The following OR9Q1 variants were observed in gnomAD, a reference collection of about 807,000 sequenced individuals.
OR9Q1 encodes olfactory receptor 9Q1.
For synonymous variants in OR9Q1, 153 were observed against 148.6 expected, an observed-to-expected ratio of 1.03 and a Z score of -0.22; for missense variants, 374 against 378.8, an observed-to-expected ratio of 0.99 and a Z score of 0.11.
At chr11:58,053,627 A>ATATATATATATAAATTATATATATATT (rs1491279836) in intron 1 of OR9Q1, among the ~76,000 whole-genome samples, 4 of 103,334 alleles carry the variant, frequency 3.9e-5, no homozygotes, top group Non-Finnish European at 7.2e-5. Flanking sequence ...ATATATATAT[A>ATATATATATATAAATTATATATATATT]AAATATATAT....
chr11:58,038,672 A>G (rs1853130986), intron 1 of OR9Q1, among the ~76,000 whole-genome samples: 1 of 152,202 alleles, frequency 6.6e-6, no homozygotes, highest in African/African-American at 2.4e-5. Context: ...ACACTTTGAA[A>G]TCAGAACCCT....
intron 2 of OR9Q1, among the ~76,000 whole-genome samples, chr11:58,164,700 C>T (rs1854485612): frequency 6.6e-6 from 1 of 152,190 alleles, no homozygotes; most frequent in African/African-American, 2.4e-5. Flanking sequence ...TAGTCCAACA[C>T]TAGAATTTTG....
chr11:58,122,780 G>A (rs1426155665), intron 2 of OR9Q1, among the ~76,000 whole-genome samples: 1 of 151,900 alleles, frequency 6.6e-6, no homozygotes, highest in East Asian at 1.9e-4. Flanking sequence ...GCACTCCAGT[G>A]TATTCAAAAT....
chr11:58,147,742 G>C (rs1590615554), intron 2 of OR9Q1, among the ~76,000 whole-genome samples: 3 of 152,094 alleles, frequency 2.0e-5, no homozygotes, highest in Admixed American at 6.6e-5. Flanking sequence ...GGTGTATGTT[G>C]TATTGCTATT....
At chr11:58,064,910 A>G (rs569706372) in intron 2 of OR9Q1, among the ~76,000 whole-genome samples, 77 of 152,046 alleles carry the variant, frequency 5.1e-4, no homozygotes, top group Non-Finnish European at 3.1e-4. Flanking sequence ...AGAGATTTAG[A>G]CACATACACA....
intron 1 of OR9Q1, among the ~76,000 whole-genome samples, chr11:58,024,726 T>A (rs192897808): frequency 3.2e-4 from 49 of 152,306 alleles, no homozygotes; most frequent in African/African-American, 1.2e-3. Context: ...TGGATAAAGT[T>A]CCCTGAACCT....
At chr11:58,104,303 A>G (rs1853819214) in intron 2 of OR9Q1, among the ~76,000 whole-genome samples, 1 of 151,960 alleles carries the variant, frequency 6.6e-6, no homozygotes, top group South Asian at 2.1e-4. Flanking sequence ...GATAAAGAGG[A>G]AGAAGGATAA....
intron 2 of OR9Q1, among the ~76,000 whole-genome samples, chr11:58,123,335 A>G (rs902701006): frequency 1.3e-5 from 2 of 152,174 alleles, no homozygotes; most frequent in African/African-American, 4.8e-5. Flanking sequence ...AACTTGGTTA[A>G]TTTCAACACC....
At chr11:58,066,484 C>G (rs763050671) in intron 2 of OR9Q1, among the ~76,000 whole-genome samples, 8 of 151,980 alleles carry the variant, frequency 5.3e-5, no homozygotes, top group Non-Finnish European at 1.2e-4. Flanking sequence ...CATGGGACCC[C>G]AAAAAGAAGG....
intron 2 of OR9Q1, chr11:58,117,955 A>T (rs1383350997): frequency 4.6e-5 from 7 of 152,454 alleles, no homozygotes; most frequent in Admixed American, 4.6e-4. Context: ...TTCTGAAGAG[A>T]GAAGTTCATT....
chr11:58,122,041 C>T (rs780966656), intron 2 of OR9Q1, among the ~76,000 whole-genome samples: 7 of 152,132 alleles, frequency 4.6e-5, no homozygotes, highest in Admixed American at 6.5e-5. Flanking sequence ...TTCTCTTTCA[C>T]CTAAGGTCTA....
chr11:58,109,240 C>G, intron 2 of OR9Q1: 1 of 464,584 alleles, frequency 2.2e-6, no homozygotes, highest in Non-Finnish European at 4.3e-6. Context: ...AAAGACCCTG[C>G]AGGTACCTGG....
chr11:58,090,358 G>A (rs1201240372), intron 2 of OR9Q1, among the ~76,000 whole-genome samples: 1 of 152,052 alleles, frequency 6.6e-6, no homozygotes, highest in Non-Finnish European at 1.5e-5. Flanking sequence ...AGCATAAAGG[G>A]TGTTGAATTT....
intron 2 of OR9Q1, among the ~76,000 whole-genome samples, chr11:58,097,187 T>G (rs138081881): frequency 0.011 from 1,668 of 152,300 alleles, 18 homozygotes; most frequent in Middle Eastern, 0.048. Context: ...TTTGCCCATG[T>G]CGTTGTATGT....
chr11:58,115,348 A>G (rs185753138), intron 2 of OR9Q1, among the ~76,000 whole-genome samples: 1 of 152,288 alleles, frequency 6.6e-6, no homozygotes, highest in Admixed American at 6.5e-5. Flanking sequence ...AGCAATTCCT[A>G]ATTCAAGAGG....
intron 2 of OR9Q1, among the ~76,000 whole-genome samples, chr11:58,103,264 A>G (rs1358350667): frequency 2.0e-5 from 3 of 152,096 alleles, no homozygotes; most frequent in Non-Finnish European, 4.4e-5. Flanking sequence ...ATCTGATCTC[A>G]TGATAATTCA....
intron 2 of OR9Q1, among the ~76,000 whole-genome samples, chr11:58,155,965 G>A (rs1298705321): frequency 6.8e-6 from 1 of 146,284 alleles, no homozygotes; most frequent in Non-Finnish European, 1.5e-5. Flanking sequence ...CCTGGCTGGA[G>A]TGCAGTGGTG....
chr11:58,024,297 C>G (rs916318871), intron 1 of OR9Q1, among the ~76,000 whole-genome samples, 193 bp downstream of exon 1: 1 of 152,044 alleles, frequency 6.6e-6, no homozygotes, highest in Non-Finnish European at 1.5e-5. Flanking sequence ...CTCCTAGCCC[C>G]GCTGTCTGTC....
intron 2 of OR9Q1, among the ~76,000 whole-genome samples, chr11:58,079,687 C>A (rs1037374508): frequency 6.6e-6 from 1 of 152,082 alleles, no homozygotes; most frequent in Admixed American, 6.6e-5. Context: ...TGTGAATGAG[C>A]CTGGATAGCT....
Sources: allele counts gnomAD v4.1 joint callset (sites outside exome capture counted in the v4.1 genomes callset), GRCh38; gene constraint gnomAD v4.1.1; transcripts MANE v1.5; gene names NCBI Gene and HGNC (gene_info 2026-07-23, HGNC 2026-07-21).